The following PDIA3 variants were observed in gnomAD, a reference collection of about 807,000 sequenced individuals.
PDIA3 encodes protein disulfide-isomerase A3.
In PDIA3, 16 loss-of-function variants were observed where a neutral mutation model predicts 56.9. The ratio of observed to expected loss-of-function variants is 0.28; its 90% CI spans 0.19 to 0.43. The LOEUF (loss-of-function observed/expected upper bound fraction) is 0.43. Ranked by LOEUF, PDIA3 falls within the 20% of genes least tolerant of loss-of-function variation. The pLI, the probability that PDIA3 is intolerant of heterozygous loss-of-function variation, is 1.00. For synonymous variants in PDIA3, 192 were observed against 216.5 expected (o/e 0.89, Z 0.99); for missense variants, 485 against 621.3 (o/e 0.78, Z 2.33).
intron 4 of PDIA3, 85 bp from the exon 5 acceptor site, chr15:43,762,992 G>A (rs774785105): frequency 8.9e-6 from 12 of 1,344,322 alleles, no homozygotes; most frequent in Non-Finnish European, 1.3e-5. Flanking sequence ...AATGTTTATG[G>A]TTTATGGAAT....
intron 2 of PDIA3, among the ~76,000 whole-genome samples, chr15:43,755,263 G>A (rs999885817): frequency 2.6e-5 from 4 of 152,142 alleles, no homozygotes; most frequent in South Asian, 2.1e-4. Context: ...GGGGGGCGGA[G>A]GTTGCAGTGA....
Position 43,770,313 on chromosome 15 carries a change from C to T in PDIA3, c.1330C>T (p.Pro444Ser). ...MDATANDVPS[P>S]YEVRGFPTIY... The stretch of plus-strand genomic sequence containing the variant: ...TGCCACAGCCAATGATGTGCCTTCT[C>T]CATATGAAGTCAGAGGGTAAGTGGC... Residue 444 changes from proline to serine, a missense_variant, in exon 11 of 13, where the codon CCA (proline) becomes TCA (serine). Pro to Ser is a moderately conservative substitution (Grantham distance 74). Transcript: ENST00000300289. The T allele has an allele frequency of 6.2e-7, 1 of 1,613,838 alleles. No individual in the cohort carries two copies. Among genetic ancestry groups the T allele is most frequent in the South Asian group, 1.1e-5 (1 of 91,076 alleles).
Position 43,746,832 on chromosome 15 carries a change from A to G in PDIA3, c.167+126A>G, listed in dbSNP as rs949970841. On this transcript the variant is annotated intron_variant, in intron 1 of 12. Coordinates refer to ENST00000300289, the MANE Select transcript of PDIA3 (RefSeq NM_005313.5). ...CCTGTGGGCCCCTGCTGCGGCGGGC[A>G]CATTTCTCATTCCCGGGAGCTGGAG... 53 of 1,089,816 alleles carry G rather than the reference A, an allele frequency of 4.9e-5. No homozygotes were observed. In the Admixed American group the frequency reaches 8.7e-4, roughly 18 times the overall value. 67.5% of individuals were successfully genotyped at this position (1,089,816 alleles called of 1,614,324 possible). A position where few individuals can be genotyped will look rare whatever the true frequency, so the allele number is the denominator to read the frequency against.
In PDIA3 at chr15:43,772,383, A is replaced by G. The variant is rs1366942458; in HGVS notation, c.*1165A>G. On this transcript the variant is annotated 3_prime_UTR_variant, in exon 13 of 13. Transcript: ENST00000300289. ...GTATTTAGCTGTCAATTTTAAGATG[A>G]ATTTGGTAGAGCCTTATAGTAAAGT... The G allele has an allele frequency of 1.3e-5, 2 of 152,208 alleles. No homozygotes were observed. Among genetic ancestry groups the G allele is most frequent in the Admixed American group, 6.5e-5 (1 of 15,286 alleles). The allele number at this position is 152,208 out of a possible 1,614,324, so 9.4% of individuals were successfully genotyped here.
intron 1 of PDIA3, chr15:43,751,639 T>G (rs2086744898): frequency 2.3e-6 from 3 of 1,304,080 alleles, no homozygotes; most frequent in African/African-American, 3.0e-5. Context: ...TTGAAACTCT[T>G]TTTGTGGATT....
At chr15:43,768,720 C>T (rs547817271) in intron 9 of PDIA3, 123 bp downstream of exon 9, 4 of 662,902 alleles carry the variant, frequency 6.0e-6, no homozygotes, top group African/African-American at 3.6e-5. Context: ...TCCTTACTCC[C>T]GAGTCATAAA....
intron 11 of PDIA3, 38 bp from the exon 12 acceptor site, chr15:43,770,485 C>T (rs954434099): frequency 1.3e-6 from 2 of 1,535,832 alleles, no homozygotes; most frequent in African/African-American, 2.7e-5. Flanking sequence ...TATGGGCCCA[C>T]ATAACTGCTT....
At chr15:43,746,866 CCGA>C (rs2086710049) in intron 1 of PDIA3, 160 bp downstream of exon 1, 1 of 809,756 alleles carries the variant, frequency 1.2e-6, no homozygotes, top group Non-Finnish European at 1.9e-6. Context: ...AGGCGCCTCG[CCGA>C]GAGCGGGGGA....
intron 3 of PDIA3, among the ~76,000 whole-genome samples, chr15:43,757,793 C>T (rs1342134579): frequency 5.3e-5 from 8 of 151,468 alleles, no homozygotes; most frequent in Admixed American, 2.0e-4. Context: ...ACCCAGGAGG[C>T]GGAGGTTGCA....
chr15:43,751,739 T>C lies in PDIA3; in HGVS notation c.168-2085T>C, dbSNP rs1238972856. On this transcript the variant is annotated intron_variant, in intron 1 of 12. Coordinates refer to ENST00000300289, the MANE Select transcript of PDIA3 (RefSeq NM_005313.5). ...CACACACACCTGGTTGCTCCCCAGA[T>C]TTCTGGAGATTCTCATTCAGTAAGC... is the stretch of plus-strand genomic sequence containing the variant. The C allele has an allele frequency of 6.9e-6, 9 of 1,298,342 alleles. No individual in the cohort carries two copies. The Admixed American group carries it at 2.1e-4, about 30-fold the overall frequency. The allele number at this position is 1,298,342 out of a possible 1,614,324, so 80.4% of individuals were successfully genotyped here. A position where few individuals can be genotyped will look rare whatever the true frequency, so the allele number is the denominator to read the frequency against.
At chr15:43,751,418 T>C (rs2086743652) in intron 1 of PDIA3, among the ~76,000 whole-genome samples, 1 of 152,204 alleles carries the variant, frequency 6.6e-6, no homozygotes, top group Admixed American at 6.5e-5. Flanking sequence ...GTGATGATTA[T>C]GGGTGAATAT....
Position 43,770,723 on chromosome 15 carries a change from C to A in PDIA3, c.1404+143C>A, listed in dbSNP as rs1044134298. 6.2e-6 allele frequency: 4 copies of A among 649,376 alleles called. No homozygotes were observed. In the Admixed American group the frequency reaches 1.0e-4, roughly 17 times the overall value. The allele number at this position is 649,376 out of a possible 1,614,324, so 40.2% of individuals were successfully genotyped here. ...CGCTCTTGTTGCCTGGGCTGGAGTGCAATGGCGTGATCTCGGCTCACCGTT... is the reference window on the plus strand; with the variant it reads ...CGCTCTTGTTGCCTGGGCTGGAGTGAAATGGCGTGATCTCGGCTCACCGTT... On this transcript the variant is annotated intron_variant, in intron 12 of 12. Transcript: ENST00000300289.
Position 43,753,899 on chromosome 15 carries a change from A to C in PDIA3, c.243A>C (p.Ala81=), listed in dbSNP as rs1178352232. The C allele has an allele frequency of 6.2e-7, 1 of 1,606,732 alleles. No individual in the cohort carries two copies. Among genetic ancestry groups the C allele is most frequent in the South Asian group, 1.1e-5 (1 of 90,936 alleles). Residue 81 remains alanine (A), a synonymous_variant, in exon 2 of 13, where the codon GCA becomes GCC. Transcript: ENST00000300289. The part of the protein sequence containing the change: ...ATRLKGIVPL[A]KVDCTANTNT... ...GATTAAAAGGAATAGTCCCATTAGCAAAGGTAAGTACAGGTGGATTCTTCA... is the reference window on the plus strand; with the variant it reads ...GATTAAAAGGAATAGTCCCATTAGCCAAGGTAAGTACAGGTGGATTCTTCA...
At position 43,769,515 on chromosome 15, in the gene PDIA3, C is replaced by A; in HGVS notation, c.1138-3C>A. The A allele has an allele frequency of 1.2e-6, 2 of 1,612,118 alleles. No individual in the cohort carries two copies. Among genetic ancestry groups the A allele is most frequent in the Non-Finnish European group, 1.7e-6 (2 of 1,178,570 alleles). On this transcript the variant is annotated splice_region_variant and splice_polypyrimidine_tract_variant and intron_variant, in intron 9 of 12. Transcript: ENST00000300289. ...CAACTAGAGATTCTTCTGTGTTTTC[C>A]AGGTAGTGGTAGCAGAGAATTTTGA...
At chr15:43,748,810 C>G (rs1402454485) in intron 1 of PDIA3, among the ~76,000 whole-genome samples, 1 of 151,106 alleles carries the variant, frequency 6.6e-6, no homozygotes, top group Non-Finnish European at 1.5e-5. Flanking sequence ...GCTTTGTTGC[C>G]CAGGCTAGAG....
chr15:43,758,078 A>G (rs1431563484), intron 3 of PDIA3, among the ~76,000 whole-genome samples: 2 of 150,862 alleles, frequency 1.3e-5, no homozygotes, highest in African/African-American at 4.9e-5. Flanking sequence ...GTCACTACTA[A>G]AAATACAAAA....
intron 7 of PDIA3, 54 bp downstream of exon 7, chr15:43,766,066 G>A (rs1567158937): frequency 1.3e-6 from 2 of 1,511,850 alleles, no homozygotes; most frequent in Non-Finnish European, 1.8e-6. Flanking sequence ...TGTATAGACA[G>A]TCCCTTCTAA....
rs1315105631 is a variant in PDIA3 at position 43,756,715 on chromosome 15, A to T, written c.313A>T (p.Ile105Leu). ...AGTCAGTGGATATCCAACCCTGAAGATATTTAGAGATGGTGAAGAAGCAGG... is the reference window on the plus strand; with the variant it reads ...AGTCAGTGGATATCCAACCCTGAAGTTATTTAGAGATGGTGAAGAAGCAGG... ...YGVSGYPTLKIFRDGEEAGAY... is the reference protein window; with the variant it reads ...YGVSGYPTLKLFRDGEEAGAY... Residue 105 changes from isoleucine (I) to leucine (L), a missense_variant, in exon 3 of 13, where the codon ATA (isoleucine) becomes TTA (leucine). Coordinates refer to ENST00000300289, the MANE Select transcript of PDIA3 (RefSeq NM_005313.5). 1 of 1,610,428 alleles carries T rather than the reference A, an allele frequency of 6.2e-7. No individual in the cohort carries two copies. Among genetic ancestry groups the T allele is most frequent in the Non-Finnish European group, 8.5e-7 (1 of 1,178,426 alleles).
chr15:43,767,785 AAAAAAG>A (rs2086857066), intron 8 of PDIA3, among the ~76,000 whole-genome samples: 1 of 150,322 alleles, frequency 6.7e-6, no homozygotes, highest in Non-Finnish European at 1.5e-5. Flanking sequence ...AAAAAAAAAA[AAAAAAG>A]AAAGAAATAG....
Sources: gnomAD v4.1 joint callset for allele counts (sites outside exome capture counted in the v4.1 genomes callset) on GRCh38, gnomAD v4.1.1 for gene constraint, MANE v1.5 for transcripts, NCBI Gene and HGNC (gene_info 2026-07-23, HGNC 2026-07-21) for gene names.